The following DPP6 variants were observed in gnomAD, a reference collection of about 807,000 sequenced individuals.
The protein encoded by DPP6 is dipeptidyl peptidase like 6.
Under a neutral mutation model 122.6 loss-of-function variants are expected in DPP6, and 69 were observed. That is an observed-to-expected ratio of 0.56 (90% confidence interval 0.46 to 0.69). DPP6 has a LOEUF of 0.69. Among genes scored for constraint, DPP6 ranks in the 30% least tolerant of loss-of-function variants. The pLI is 0.00. For missense variants in DPP6, 928 were observed against 1,116.9 expected (o/e 0.83, Z 2.41); for synonymous variants, 418 against 433.1 (o/e 0.97, Z 0.43).
chr7:154,743,010 G>T (rs1842883989), intron 8 of DPP6, among the ~76,000 whole-genome samples: 1 of 152,158 alleles, frequency 6.6e-6, no homozygotes, highest in Non-Finnish European at 1.5e-5. Flanking sequence ...TCCTTTGATG[G>T]TCATACACAT....
At chr7:153,750,083 C>T in the DPP6 span, among the ~76,000 whole-genome samples, 1 of 152,150 alleles carries the variant, frequency 6.6e-6, no homozygotes, top group Non-Finnish European at 1.5e-5. Context: ...CAAACACTAT[C>T]TACTTGTTCG....
At chr7:154,225,465 G>A (rs1324185685) in intron 1 of DPP6, among the ~76,000 whole-genome samples, 8 of 151,988 alleles carry the variant, frequency 5.3e-5, no homozygotes, top group Non-Finnish European at 2.9e-5. Flanking sequence ...GTGTTATCCA[G>A]GTTCGTTTTG....
At chr7:154,232,614 G>A (rs546977903) in intron 1 of DPP6, among the ~76,000 whole-genome samples, 3 of 152,210 alleles carry the variant, frequency 2.0e-5, no homozygotes, top group Non-Finnish European at 4.4e-5. Context: ...TGGACACTGG[G>A]CAGCTCATCC....
intron 1 of DPP6, among the ~76,000 whole-genome samples, chr7:154,145,298 G>A (rs540316082): frequency 6.6e-6 from 1 of 152,124 alleles, no homozygotes; most frequent in East Asian, 1.9e-4. Flanking sequence ...GAACTGCCTG[G>A]GGGCCACATG....
At position 154,222,266 on chromosome 7, in the gene DPP6, C is replaced by T. The variant is rs369272123; in HGVS notation, c.243+169203C>T. Among the ~76,000 whole-genome samples the T allele has an allele frequency of 1.8e-3, 279 of 152,352 alleles. 1 individual carries two copies. Among genetic ancestry groups the T allele is most frequent in the African/African-American group, 6.3e-3 (263 of 41,586 alleles). ...CAACTCAAGTCCCACCGCCTCTGTG[C>T]TTTCTCTAACTCCACAGCCACACAC... On this transcript the variant is annotated intron_variant, in intron 1 of 25. Transcript: ENST00000377770.
chr7:154,479,435 G>A (rs1030943900), intron 3 of DPP6, among the ~76,000 whole-genome samples: 2 of 151,810 alleles, frequency 1.3e-5, no homozygotes, highest in Non-Finnish European at 2.9e-5. Context: ...GGGCACACCT[G>A]TAGTCCCAGC....
intron 1 of DPP6, among the ~76,000 whole-genome samples, chr7:153,954,022 C>T (rs1175197592): frequency 6.6e-6 from 1 of 152,152 alleles, no homozygotes; most frequent in Non-Finnish European, 1.5e-5. Context: ...GGAAGCCCAC[C>T]CATATTCTAG....
chr7:153,913,576 T>C (rs1800178484), intron 1 of DPP6, among the ~76,000 whole-genome samples: 1 of 152,194 alleles, frequency 6.6e-6, no homozygotes, highest in African/African-American at 2.4e-5. Flanking sequence ...AAGTCTGTCT[T>C]ACCTTTTTTC....
At chr7:154,430,935 G>A (rs1266123140) in intron 1 of DPP6, among the ~76,000 whole-genome samples, 7 of 152,094 alleles carry the variant, frequency 4.6e-5, no homozygotes, top group Non-Finnish European at 8.8e-5. Flanking sequence ...AACCAATATT[G>A]CAAGTTCAAC....
At chr7:154,060,703 T>G (rs1483163476) in intron 1 of DPP6, among the ~76,000 whole-genome samples, 45 of 119,508 alleles carry the variant, frequency 3.8e-4, no homozygotes, top group Admixed American at 8.5e-4. Context: ...TGGCTGTTAG[T>G]ACCCCCATCG....
chr7:154,656,212 G>T (rs1449188424), intron 6 of DPP6, among the ~76,000 whole-genome samples: 2 of 110,630 alleles, frequency 1.8e-5, no homozygotes, highest in East Asian at 2.8e-4. Flanking sequence ...AGAGGGAGGT[G>T]GGGGGAGAGC....
chr7:154,853,425 A>G (rs564095976), intron 16 of DPP6, among the ~76,000 whole-genome samples: 202 of 152,340 alleles, frequency 1.3e-3, no homozygotes, highest in Non-Finnish European at 2.6e-3. Flanking sequence ...ATTTATAAGA[A>G]CCCATAAAGC....
At chr7:153,785,301 G>A in the DPP6 span, among the ~76,000 whole-genome samples, 6 of 152,044 alleles carry the variant, frequency 3.9e-5, no homozygotes, top group African/African-American at 7.3e-5. Flanking sequence ...TTTGTCTATC[G>A]CTAGACTGTA....
intron 5 of DPP6, among the ~76,000 whole-genome samples, chr7:154,572,939 CA>C (rs1563874683): frequency 6.6e-6 from 1 of 152,052 alleles, no homozygotes; most frequent in Non-Finnish European, 1.5e-5. Context: ...CTCGGCCTCC[CA>C]AAATGCTGGG....
chr7:154,568,746 T>G (rs756252383), intron 5 of DPP6, among the ~76,000 whole-genome samples: 1 of 152,212 alleles, frequency 6.6e-6, no homozygotes, highest in Non-Finnish European at 1.5e-5. Context: ...GGGCAGCATC[T>G]GTCGGTGTTT....
At position 154,746,850 on chromosome 7, in the gene DPP6, G is replaced by T. The variant is rs1035978850; in HGVS notation, c.883+18963G>T. Among the ~76,000 whole-genome samples the T allele has an allele frequency of 3.3e-5, 5 of 152,304 alleles. No individual in the cohort carries two copies. In the South Asian group the frequency reaches 1.0e-3, roughly 32 times the overall value. On this transcript the variant is annotated intron_variant, in intron 8 of 25. Transcript: ENST00000377770. The stretch of plus-strand genomic sequence containing the variant: ...AACACACGACCAAAATATACTGTCT[G>T]TATCTTGGAAATGAACTCCCTAAGA...
intron 8 of DPP6, among the ~76,000 whole-genome samples, chr7:154,754,774 C>T (rs949812038): frequency 6.6e-6 from 1 of 152,288 alleles, no homozygotes; most frequent in South Asian, 2.1e-4. Flanking sequence ...GGCACATATA[C>T]ACCATGGAAT....
In DPP6 at chr7:154,769,589, G is replaced by A. The variant is rs139340959; in HGVS notation, c.1038+18G>A. 171 of 1,566,804 alleles carry A rather than the reference G, an allele frequency of 1.1e-4. No homozygotes were observed. In the African/African-American group the frequency reaches 1.4e-3, roughly 13 times the overall value. On this transcript the variant is annotated intron_variant, in intron 9 of 25. Transcript: ENST00000377770. ...ATCCCAAGGTAGGCAAAGGGACACC[G>A]CACAGCAAATTCTTTATATTATTCA... is the stretch of plus-strand genomic sequence containing the variant.
chr7:154,309,675 CA>C, intron 1 of DPP6, among the ~76,000 whole-genome samples: 1 of 151,926 alleles, frequency 6.6e-6, no homozygotes, highest in East Asian at 1.9e-4. Flanking sequence ...TATTAAAAGG[CA>C]ATGTGAGACA....
Sources: gnomAD v4.1 joint callset for allele counts (sites outside exome capture counted in the v4.1 genomes callset) on GRCh38, gnomAD v4.1.1 for gene constraint, MANE v1.5 for transcripts, NCBI Gene and HGNC (gene_info 2026-07-23, HGNC 2026-07-21) for gene names.